The following ST8SIA2 variants were observed in gnomAD, a reference collection of about 807,000 sequenced individuals.
ST8SIA2 encodes the protein ST8 alpha-N-acetyl-neuraminide alpha-2,8-sialyltransferase 2.
A neutral mutation model predicts 37.6 loss-of-function variants in ST8SIA2; 22 were observed. The ratio of observed to expected loss-of-function variants is 0.58; its 90% confidence interval spans 0.42 to 0.83. ST8SIA2 has a LOEUF of 0.83. Among genes scored for constraint, ST8SIA2 ranks in the 40% least tolerant of loss-of-function variants. The pLI, the probability that ST8SIA2 is intolerant of heterozygous loss-of-function variation, is 0.00. For missense variants in ST8SIA2, 382 were observed against 484.7 expected (o/e 0.79, Z 1.99); for synonymous variants, 205 against 201.2 (o/e 1.02, Z -0.16).
At chr15:92,401,778 T>C (rs2049473524) in intron 1 of ST8SIA2, among the ~76,000 whole-genome samples, 1 of 151,980 alleles carries the variant, frequency 6.6e-6, no homozygotes, top group Admixed American at 6.6e-5. Context: ...CTGGACCTTT[T>C]TTAAGGTTCA....
chr15:92,430,788 C>T (rs1275602388), intron 2 of ST8SIA2, among the ~76,000 whole-genome samples: 2 of 152,064 alleles, frequency 1.3e-5, no homozygotes, highest in South Asian at 2.1e-4. Context: ...GCTTAAGGAG[C>T]GGTGGAAGGA....
At chr15:92,438,006 C>A (rs955194497) in intron 3 of ST8SIA2, among the ~76,000 whole-genome samples, 1 of 152,220 alleles carries the variant, frequency 6.6e-6, no homozygotes, top group African/African-American at 2.4e-5. Flanking sequence ...CCGAGCCAGG[C>A]AGTCCTGGGG....
intron 1 of ST8SIA2, among the ~76,000 whole-genome samples, chr15:92,400,228 C>G (rs1336841475): frequency 6.6e-6 from 1 of 152,156 alleles, no homozygotes; most frequent in Non-Finnish European, 1.5e-5. Context: ...TTGGTTGCCC[C>G]TCCTGTGTGC....
At position 92,449,813 on chromosome 15, in the gene ST8SIA2, G is replaced by A. The variant is rs144987192; in HGVS notation, c.842+4884G>A. ...CTTATTTGTCTTCTTTTGAGAAGTG[G>A]CTGTTCATGTCTTTTGCCGATTTTT... On this transcript the variant is annotated intron_variant, in intron 5 of 5. Coordinates refer to ENST00000268164, the MANE Select transcript of ST8SIA2 (RefSeq NM_006011.4). Among the ~76,000 whole-genome samples the A allele has an allele frequency of 1.3e-3, 196 of 152,168 alleles. 4 individuals carry two copies. The East Asian group carries it at 0.033, about 26-fold the overall frequency.
chr15:92,401,715 A>C (rs1596227945), intron 1 of ST8SIA2, among the ~76,000 whole-genome samples: 1 of 151,114 alleles, frequency 6.6e-6, no homozygotes, highest in Admixed American at 6.6e-5. Flanking sequence ...AGGGTTTCCC[A>C]GTGCCTTTTT....
At chr15:92,408,673 TTTTTTTTATTTATTTA>T (rs546270182) in intron 1 of ST8SIA2, among the ~76,000 whole-genome samples, 3,335 of 125,928 alleles carry the variant, frequency 0.026, 118 homozygotes, top group African/African-American at 0.097. Flanking sequence ...CTGAGTTCCA[TTTTTTTTATTTATTTA>T]TTTATTTATT....
chr15:92,396,048 C>A (rs1489859048), intron 1 of ST8SIA2, among the ~76,000 whole-genome samples: 1 of 152,210 alleles, frequency 6.6e-6, no homozygotes, highest in South Asian at 2.1e-4. Context: ...TATGTACGCA[C>A]CCCGGGGACT....
intron 1 of ST8SIA2, among the ~76,000 whole-genome samples, chr15:92,408,744 CG>C (rs1567211299): frequency 6.6e-6 from 1 of 151,566 alleles, no homozygotes; most frequent in African/African-American, 2.4e-5. Context: ...CTCACTCTGT[CG>C]CCCAGGCTGG....
chr15:92,401,725 T>A (rs1596227952), intron 1 of ST8SIA2, among the ~76,000 whole-genome samples: 1 of 152,070 alleles, frequency 6.6e-6, no homozygotes, highest in East Asian at 1.9e-4. Context: ...AGTGCCTTTT[T>A]TTTTTATTAT....
rs538030700 is a variant in ST8SIA2 at position 92,420,221 on chromosome 15, G to A, written c.99-9828G>A. ...ATAAGATGGGTGCAGATCAGAGGACGAGTCCTGCTTCAGTTGGTAGTCCCT... is the reference window on the plus strand; with the variant it reads ...ATAAGATGGGTGCAGATCAGAGGACAAGTCCTGCTTCAGTTGGTAGTCCCT... On this transcript the variant is annotated intron_variant, in intron 1 of 5. Coordinates refer to ENST00000268164, the MANE Select transcript of ST8SIA2 (RefSeq NM_006011.4). Among the ~76,000 whole-genome samples the A allele has an allele frequency of 2.6e-5, 4 of 152,274 alleles. No homozygotes were observed. The East Asian group carries it at 5.8e-4, about 22-fold the overall frequency.
intron 1 of ST8SIA2, among the ~76,000 whole-genome samples, chr15:92,398,895 G>A (rs2049451184): frequency 6.6e-6 from 1 of 152,198 alleles, no homozygotes; most frequent in South Asian, 2.1e-4. Context: ...AAGGCCCAGA[G>A]TTTTCCTGAG....
chr15:92,455,241 G>T (rs979369388), intron 5 of ST8SIA2, among the ~76,000 whole-genome samples: 18 of 152,194 alleles, frequency 1.2e-4, no homozygotes, highest in African/African-American at 4.3e-4. Flanking sequence ...CCGGTTGACA[G>T]AGGGTGAGGT....
chr15:92,424,606 G>A (rs1376445334), intron 1 of ST8SIA2, among the ~76,000 whole-genome samples: 1 of 150,278 alleles, frequency 6.7e-6, no homozygotes, highest in Admixed American at 6.6e-5. Flanking sequence ...GTGAAAAAAA[G>A]TTTGACATTC....
chr15:92,438,390 A>C lies in ST8SIA2; in HGVS notation c.328A>C (p.Ile110Leu). Reference protein sequence around the residue: ...ILKFLDAEKDISVLKGTLKPG... With the variant: ...ILKFLDAEKDLSVLKGTLKPG... ...AAAGTTCTTGGATGCTGAAAAGGAC[A>C]TTTCTGTCCTAAAGGGAACCCTGAA... is the stretch of plus-strand genomic sequence containing the variant. Residue 110 changes from isoleucine to leucine, a missense_variant, in exon 4 of 6, where the codon ATT becomes CTT. Ile to Leu is a conservative substitution (Grantham distance 5). Coordinates refer to ENST00000268164, the MANE Select transcript of ST8SIA2 (RefSeq NM_006011.4). 6.2e-7 allele frequency: 1 copy of C among 1,614,166 alleles called. No individual in the cohort carries two copies. Among genetic ancestry groups the C allele is most frequent in the Non-Finnish European group, 8.5e-7 (1 of 1,180,040 alleles).
At chr15:92,436,177 C>G (rs7176571) in intron 3 of ST8SIA2, among the ~76,000 whole-genome samples, 10,522 of 152,210 alleles carry the variant, frequency 0.069, 1,083 homozygotes, top group African/African-American at 0.22. Context: ...GTTCTTTTGA[C>G]ATGTGGTCAC....
intron 1 of ST8SIA2, among the ~76,000 whole-genome samples, chr15:92,418,462 CAAAAAA>C (rs34061544): frequency 4.0e-5 from 4 of 100,068 alleles, no homozygotes; most frequent in Admixed American, 1.0e-4. Flanking sequence ...GACCCTCCCT[CAAAAAA>C]AAAAAAAAAA....
chr15:92,406,257 C>T (rs543783691), intron 1 of ST8SIA2, among the ~76,000 whole-genome samples: 13 of 152,288 alleles, frequency 8.5e-5, no homozygotes, highest in African/African-American at 3.1e-4. Flanking sequence ...AAAAACAGAA[C>T]GCTGGACACC....
intron 1 of ST8SIA2, among the ~76,000 whole-genome samples, chr15:92,407,451 A>T (rs1193441957): frequency 3.9e-5 from 6 of 152,238 alleles, no homozygotes; most frequent in Non-Finnish European, 7.3e-5. Context: ...GAAACTGGAC[A>T]GCAAAGCGCT....
chr15:92,452,424 A>G (rs549841893), intron 5 of ST8SIA2, among the ~76,000 whole-genome samples: 1 of 152,360 alleles, frequency 6.6e-6, no homozygotes, highest in South Asian at 2.1e-4. Context: ...CAGACCACTG[A>G]GCAGCTGGCC....
Sources: allele counts gnomAD v4.1 joint callset (sites outside exome capture counted in the v4.1 genomes callset), GRCh38; gene constraint gnomAD v4.1.1; transcripts MANE v1.5; gene names NCBI Gene and HGNC (gene_info 2026-07-23, HGNC 2026-07-21).